The following GRM3 variants were observed in gnomAD, a reference collection of about 807,000 sequenced individuals.
The protein encoded by GRM3 is metabotropic glutamate receptor 3.
GRM3 carries 26 observed loss-of-function variants against 70.5 expected under a neutral mutation model. That is an observed-to-expected ratio of 0.37 (90% CI 0.27 to 0.51). The LOEUF (loss-of-function observed/expected upper bound fraction) is 0.51. GRM3 is among the 20% of genes least tolerant of loss of function. GRM3 has a pLI of 0.93. For synonymous variants in GRM3, 443 were observed against 434.9 expected (o/e 1.02, Z -0.23); for missense variants, 859 against 1,123.8 (o/e 0.76, Z 3.37).
chr7:86,801,507 T>A (rs1266030892), intron 3 of GRM3, among the ~76,000 whole-genome samples: 2 of 152,184 alleles, frequency 1.3e-5, no homozygotes, highest in African/African-American at 4.8e-5. Flanking sequence ...GTGACATATG[T>A]ACATAGAAAA....
At chr7:86,729,727 A>C (rs1001862302) in intron 1 of GRM3, among the ~76,000 whole-genome samples, 2 of 152,236 alleles carry the variant, frequency 1.3e-5, no homozygotes, top group Non-Finnish European at 2.9e-5. Flanking sequence ...ACACAGAAAA[A>C]AAGTCCCATA....
chr7:86,694,252 G>T (rs574130883), intron 1 of GRM3, among the ~76,000 whole-genome samples: 11 of 152,152 alleles, frequency 7.2e-5, no homozygotes, highest in African/African-American at 2.6e-4. Context: ...AAGGCCGGGC[G>T]TGGTGGCTCA....
intron 1 of GRM3, among the ~76,000 whole-genome samples, chr7:86,684,986 C>T (rs945120391): frequency 1.3e-5 from 2 of 152,146 alleles, no homozygotes; most frequent in African/African-American, 4.8e-5. Context: ...AGGAAGCATG[C>T]TATCCATGTT....
At chr7:86,695,678 T>C (rs1310274113) in intron 1 of GRM3, among the ~76,000 whole-genome samples, 2 of 152,190 alleles carry the variant, frequency 1.3e-5, no homozygotes, top group African/African-American at 2.4e-5. Context: ...AAAGTAACAA[T>C]GTCTACCTCA....
intron 1 of GRM3, 113 bp downstream of exon 1, chr7:86,644,985 C>A: frequency 4.8e-6 from 2 of 420,844 alleles, no homozygotes; most frequent in Non-Finnish European, 8.7e-6. Context: ...GAGCATGGAC[C>A]AGTCCCTACA....
At chr7:86,854,282 T>C (rs1485587524) in intron 5 of GRM3, among the ~76,000 whole-genome samples, 2 of 152,160 alleles carry the variant, frequency 1.3e-5, no homozygotes, top group Non-Finnish European at 2.9e-5. Flanking sequence ...CCACATTACT[T>C]TGGAGTCTAG....
intron 3 of GRM3, among the ~76,000 whole-genome samples, chr7:86,835,934 T>C (rs1036105950): frequency 6.6e-6 from 1 of 152,076 alleles, no homozygotes. Flanking sequence ...TTTAAAAACA[T>C]ATAAACATCC....
At chr7:86,853,952 T>C (rs555725514) in intron 5 of GRM3, among the ~76,000 whole-genome samples, 2 of 152,098 alleles carry the variant, frequency 1.3e-5, no homozygotes, top group Non-Finnish European at 2.9e-5. Context: ...CCTGTCCATG[T>C]TGGCTCCTAA....
intron 1 of GRM3, among the ~76,000 whole-genome samples, chr7:86,659,026 C>T (rs1793825263): frequency 6.6e-6 from 1 of 152,052 alleles, no homozygotes; most frequent in African/African-American, 2.4e-5. Context: ...ATAAACATAA[C>T]CATAAAAACG....
At chr7:86,705,829 GA>G (rs1335380233) in intron 1 of GRM3, among the ~76,000 whole-genome samples, 5 of 152,036 alleles carry the variant, frequency 3.3e-5, no homozygotes, top group Admixed American at 6.6e-5. Flanking sequence ...CTCCCCTTTG[GA>G]AAAACTTGTC....
intron 1 of GRM3, among the ~76,000 whole-genome samples, chr7:86,737,641 C>CA (rs1433452983): frequency 6.6e-6 from 1 of 152,230 alleles, no homozygotes; most frequent in Middle Eastern, 3.4e-3. Context: ...AGTTTACCTC[C>CA]AAAAAATACA....
At chr7:86,749,448 T>G (rs1482042506) in intron 1 of GRM3, among the ~76,000 whole-genome samples, 1 of 152,078 alleles carries the variant, frequency 6.6e-6, no homozygotes, top group East Asian at 1.9e-4. Flanking sequence ...ATATGTATGC[T>G]AAACGGCAAA....
At chr7:86,861,810 T>C (rs898058071) in intron 5 of GRM3, among the ~76,000 whole-genome samples, 4 of 152,170 alleles carry the variant, frequency 2.6e-5, no homozygotes, top group African/African-American at 4.8e-5. Context: ...TGGAAGTGCA[T>C]ATGTAGGTGA....
At chr7:86,691,525 A>G (rs1387506608) in intron 1 of GRM3, among the ~76,000 whole-genome samples, 1 of 152,214 alleles carries the variant, frequency 6.6e-6, no homozygotes, top group East Asian at 1.9e-4. Context: ...GGCATATTAA[A>G]ATAAGTTTGT....
intron 2 of GRM3, among the ~76,000 whole-genome samples, chr7:86,771,963 T>C (rs1429923449): frequency 6.6e-6 from 1 of 152,092 alleles, no homozygotes; most frequent in Non-Finnish European, 1.5e-5. Context: ...CAGCTGTCTG[T>C]ATGCCTTGCA....
chr7:86,760,036 C>G (rs1216332446), intron 1 of GRM3, among the ~76,000 whole-genome samples: 1 of 152,036 alleles, frequency 6.6e-6, no homozygotes, highest in African/African-American at 2.4e-5. Flanking sequence ...CTAGGACTAA[C>G]CCTAACTTTG....
intron 1 of GRM3, among the ~76,000 whole-genome samples, chr7:86,714,471 A>C (rs912646508): frequency 6.6e-6 from 1 of 152,056 alleles, no homozygotes; most frequent in Non-Finnish European, 1.5e-5. Context: ...AGATGAAAAA[A>C]GAGTGAAAGA....
chr7:86,679,753 C>T (rs1266229050), intron 1 of GRM3, among the ~76,000 whole-genome samples: 1 of 151,964 alleles, frequency 6.6e-6, no homozygotes, highest in Non-Finnish European at 1.5e-5. Context: ...TTCCCCACAG[C>T]TCATACTTTA....
intron 1 of GRM3, among the ~76,000 whole-genome samples, chr7:86,650,776 G>A (rs1313659542): frequency 6.6e-6 from 1 of 152,204 alleles, no homozygotes; most frequent in African/African-American, 2.4e-5. Flanking sequence ...CAAAAAGCCA[G>A]GATAGAGGTG....
Sources: gnomAD v4.1 joint callset for allele counts (sites outside exome capture counted in the v4.1 genomes callset) on GRCh38, gnomAD v4.1.1 for gene constraint, MANE v1.5 for transcripts, NCBI Gene and HGNC (gene_info 2026-07-23, HGNC 2026-07-21) for gene names.